Variants in PIK3C2A observed in about 807,000 individuals in gnomAD.
PIK3C2A encodes phosphatidylinositol 4-phosphate 3-kinase C2 domain-containing subunit alpha.
PIK3C2A carries 97 observed loss-of-function variants against 204.5 expected under a neutral mutation model. The ratio of observed to expected loss-of-function variants is 0.47; its 90% CI spans 0.40 to 0.56. The LOEUF is 0.56. Ranked by LOEUF, PIK3C2A falls within the 20% of genes least tolerant of loss-of-function variation. The pLI is 0.00. For missense variants in PIK3C2A, 1,735 were observed against 1,969.2 expected, an observed-to-expected ratio of 0.88 and a Z score of 2.25; for synonymous variants, 653 against 664.4, an observed-to-expected ratio of 0.98 and a Z score of 0.26.
intron 13 of PIK3C2A, among the ~76,000 whole-genome samples, chr11:17,124,256 A>G (rs1422295663): frequency 1.3e-5 from 2 of 152,176 alleles, no homozygotes; most frequent in African/African-American, 4.8e-5. Context: ...ATACTGTTAT[A>G]TATCTCTAAA....
At chr11:17,206,053 G>A (rs1304014832) in intron 1 of PIK3C2A, among the ~76,000 whole-genome samples, 1 of 152,192 alleles carries the variant, frequency 6.6e-6, no homozygotes, top group African/African-American at 2.4e-5. Flanking sequence ...AACCCTGGAG[G>A]TGGAGGTTGC....
At chr11:17,135,636 T>C (rs976377534) in intron 9 of PIK3C2A, among the ~76,000 whole-genome samples, 5 of 151,644 alleles carry the variant, frequency 3.3e-5, no homozygotes, top group Non-Finnish European at 5.9e-5. Flanking sequence ...TCAGACAAAA[T>C]TAGGTCCATG....
intron 5 of PIK3C2A, 77 bp downstream of exon 5, chr11:17,148,585 AAATTT>A (rs1850325197): frequency 8.1e-7 from 1 of 1,233,770 alleles, no homozygotes; most frequent in Non-Finnish European, 1.1e-6. Flanking sequence ...TCTGCATTAT[AAATTT>A]AACTTGAAAT....
intron 18 of PIK3C2A, 139 bp from the exon 19 acceptor site, chr11:17,117,810 T>C (rs1054589858): frequency 2.0e-5 from 10 of 492,016 alleles, no homozygotes; most frequent in Middle Eastern, 1.2e-3. Context: ...GCCTCCCGGG[T>C]TCACGCCATT....
At chr11:17,158,738 T>A (rs1417994786) in intron 2 of PIK3C2A, among the ~76,000 whole-genome samples, 3 of 152,180 alleles carry the variant, frequency 2.0e-5, no homozygotes, top group African/African-American at 7.2e-5. Context: ...GTTCTTCATG[T>A]TTTACTTATT....
intron 4 of PIK3C2A, among the ~76,000 whole-genome samples, 184 bp downstream of exon 4, chr11:17,150,314 T>C (rs1012917949): frequency 3.3e-5 from 5 of 152,208 alleles, no homozygotes; most frequent in Non-Finnish European, 7.3e-5. Flanking sequence ...CTTAGCACTT[T>C]TCAGATAATT....
intron 13 of PIK3C2A, among the ~76,000 whole-genome samples, chr11:17,127,587 G>T (rs962821896): frequency 6.6e-6 from 1 of 152,148 alleles, no homozygotes; most frequent in African/African-American, 2.4e-5. Context: ...GGGATTACAG[G>T]TGTGAGCCAC....
At chr11:17,145,792 C>G in intron 7 of PIK3C2A, 61 bp from the exon 8 acceptor site, 2 of 1,550,626 alleles carry the variant, frequency 1.3e-6, no homozygotes, top group South Asian at 2.2e-5. Context: ...TTGTTTTCAT[C>G]ACCAAAATAA....
chr11:17,148,654 T>C lies in PIK3C2A; in HGVS notation c.1448+13A>G. Reference sequence around the variant, plus strand: ...ATTTCCAAGGATGTTGCTCAGTAGTTAAATAAACTTACTTCTGCAGCACTT... The same window carrying C: ...ATTTCCAAGGATGTTGCTCAGTAGTCAAATAAACTTACTTCTGCAGCACTT... On this transcript the variant is annotated intron_variant, in intron 5 of 32. Transcript: ENST00000691414. 6.2e-7 allele frequency: 1 copy of C among 1,611,010 alleles called. No homozygotes were observed. The highest frequency in any genetic ancestry group is 8.5e-7 in the Non-Finnish European group (1 of 1,178,808).
chr11:17,147,544 A>G lies in PIK3C2A; in HGVS notation c.1533T>C (p.Ser511=). 6.2e-7 allele frequency: 1 copy of G among 1,608,762 alleles called. No individual in the cohort carries two copies. The highest frequency in any genetic ancestry group is 8.5e-7 in the Non-Finnish European group (1 of 1,175,156). ...TEIRLQLLTF[S]AMCQNLARTA... is the part of the protein sequence containing the mutation. ...TTCGGGCCAGATTTTGACACATTGCACTGAAGGTCAAGAGTTGTAGTCTAA... is the reference window on the plus strand; with the variant it reads ...TTCGGGCCAGATTTTGACACATTGCGCTGAAGGTCAAGAGTTGTAGTCTAA... Residue 511 remains serine (S), a synonymous_variant, in exon 6 of 33, where the codon AGT becomes AGC. Coordinates refer to ENST00000691414, the MANE Select transcript of PIK3C2A (RefSeq NM_002645.4).
At position 17,087,258 on chromosome 11, in the gene PIK3C2A, A is replaced by T. The variant is rs1370986782; in HGVS notation, c.*2480T>A. On this transcript the variant is annotated 3_prime_UTR_variant, in exon 33 of 33. Transcript: ENST00000691414. The stretch of plus-strand genomic sequence containing the variant: ...TAGATTTACTTTAATGTCAGCTTTT[A>T]AAAAATGCTTAAAAATCCAACTGAT... 6.6e-6 allele frequency: 1 copy of T among 152,220 alleles called. No individual in the cohort carries two copies. The highest frequency in any genetic ancestry group is 2.1e-4 in the South Asian group (1 of 4,838). 9.4% of individuals were successfully genotyped at this position (152,220 alleles called of 1,614,324 possible).
At chr11:17,197,018 G>T (rs1003838441) in intron 1 of PIK3C2A, among the ~76,000 whole-genome samples, 2 of 152,008 alleles carry the variant, frequency 1.3e-5, no homozygotes, top group Admixed American at 6.6e-5. Flanking sequence ...GGTGAGCCTG[G>T]CCAGGCACGG....
chr11:17,177,406 A>T (rs774987721), intron 1 of PIK3C2A, among the ~76,000 whole-genome samples: 4 of 152,178 alleles, frequency 2.6e-5, no homozygotes, highest in Non-Finnish European at 5.9e-5. Flanking sequence ...AACATAAGAC[A>T]CCATTCCTTT....
chr11:17,174,193 A>G (rs1851265124), intron 1 of PIK3C2A, among the ~76,000 whole-genome samples: 1 of 152,226 alleles, frequency 6.6e-6, no homozygotes. Context: ...TTCTAATGGC[A>G]CAAGAGTATG....
Position 17,122,104 on chromosome 11 carries a change from G to T in PIK3C2A, c.2657+84C>A, listed in dbSNP as rs1849384834. The T allele has an allele frequency of 7.8e-6, 6 of 772,162 alleles. No homozygotes were observed. The East Asian group carries it at 1.7e-4, about 22-fold the overall frequency. 47.8% of individuals were successfully genotyped at this position (772,162 alleles called of 1,614,324 possible). ...CAAGAAAGCTGATAAATCATGAACAGAATCAGGTTATTTAATGTAAGTCCT... is the reference window on the plus strand; with the variant it reads ...CAAGAAAGCTGATAAATCATGAACATAATCAGGTTATTTAATGTAAGTCCT... On this transcript the variant is annotated intron_variant, in intron 15 of 32. Coordinates refer to ENST00000691414, the MANE Select transcript of PIK3C2A (RefSeq NM_002645.4).
chr11:17,138,314 C>A, intron 8 of PIK3C2A: 2 of 502,466 alleles, frequency 4.0e-6, no homozygotes, highest in Non-Finnish European at 7.2e-6. Flanking sequence ...AGACGAAAAA[C>A]AGCCAGCTTC....
chr11:17,201,631 CA>C (rs1161550839), intron 1 of PIK3C2A, among the ~76,000 whole-genome samples: 2 of 151,778 alleles, frequency 1.3e-5, no homozygotes, highest in Non-Finnish European at 2.9e-5. Flanking sequence ...GTTCTCTGTG[CA>C]TTGAAATAAC....
At chr11:17,194,138 GC>G in intron 1 of PIK3C2A, 2 of 750,874 alleles carry the variant, frequency 2.7e-6, no homozygotes, top group Non-Finnish European at 3.7e-6. Flanking sequence ...TGCCTACATT[GC>G]CCACCCCAAG....
chr11:17,109,646 C>G (rs1274479744), intron 22 of PIK3C2A, among the ~76,000 whole-genome samples: 1 of 152,126 alleles, frequency 6.6e-6, no homozygotes, highest in African/African-American at 2.4e-5. Context: ...TCACTGAAGC[C>G]TTAACCTCCT....
Sources: gnomAD v4.1 joint callset for allele counts (sites outside exome capture counted in the v4.1 genomes callset) on GRCh38, gnomAD v4.1.1 for gene constraint, MANE v1.5 for transcripts, NCBI Gene and HGNC (gene_info 2026-07-23, HGNC 2026-07-21) for gene names.